Variants in FAAH2 observed in about 807,000 individuals in gnomAD.
FAAH2 encodes fatty-acid amide hydrolase 2.
Under a neutral mutation model 36.9 loss-of-function variants are expected in FAAH2, and 60 were observed. That is an observed-to-expected ratio of 1.63 (90% CI 1.32 to 2.02). FAAH2 has a LOEUF of 2.02. Ranked by LOEUF, FAAH2 falls within the 30% of genes most tolerant of loss-of-function variation. The pLI is 0.00. For synonymous variants in FAAH2, 214 were observed against 143.8 expected (o/e 1.49, Z -3.49); for missense variants, 689 against 397.5 (o/e 1.73, Z -6.23).
chrX:57,464,661 C>T (rs1423222165), intron 10 of FAAH2, among the ~76,000 whole-genome samples: 5 of 110,005 alleles, frequency 4.5e-5, no homozygotes, highest in African/African-American at 1.6e-4. Context: ...CAACAAAGGC[C>T]TACTATCCAG....
At chrX:57,401,508 T>A (rs1569319782) in intron 7 of FAAH2, among the ~76,000 whole-genome samples, 1 of 111,760 alleles carries the variant, frequency 8.9e-6, no homozygotes, top group African/African-American at 3.3e-5. Flanking sequence ...GACAACGGCC[T>A]CATTGATAAT....
At chrX:57,153,260 A>T in the FAAH2 span, among the ~76,000 whole-genome samples, 3 of 111,516 alleles carry the variant, frequency 2.7e-5, no homozygotes, top group Admixed American at 9.5e-5. Context: ...GTGAGTCCTT[A>T]TGTGTTAGGT....
chrX:57,327,366 C>T (rs915341062), intron 3 of FAAH2, among the ~76,000 whole-genome samples: 1 of 110,004 alleles, frequency 9.1e-6, no homozygotes, highest in African/African-American at 3.3e-5. Flanking sequence ...CTCTGTATTT[C>T]CTGGATCTGA....
the FAAH2 span, among the ~76,000 whole-genome samples, chrX:57,216,550 GTATA>G: frequency 1.3e-4 from 2 of 15,120 alleles, no homozygotes; most frequent in Admixed American, 7.8e-4. Flanking sequence ...ATACGTATAT[GTATA>G]TATATATATA....
chrX:57,272,755 G>A, the FAAH2 span, among the ~76,000 whole-genome samples: 1 of 112,176 alleles, frequency 8.9e-6, no homozygotes. Flanking sequence ...CCTGAAGTGA[G>A]CACTAAACAT....
the FAAH2 span, among the ~76,000 whole-genome samples, chrX:57,233,484 GA>G: frequency 2.8e-3 from 304 of 107,609 alleles, 1 homozygote; most frequent in African/African-American, 8.1e-3. Context: ...AGGCTTAATA[GA>G]AAAAAAAAAT....
chrX:57,425,274 CACA>C (rs1370210592), intron 7 of FAAH2, among the ~76,000 whole-genome samples: 4 of 111,680 alleles, frequency 3.6e-5, no homozygotes, highest in Admixed American at 1.9e-4. Flanking sequence ...GAATAAAAAA[CACA>C]ACAAGATTGC....
chrX:57,383,561 C>T (rs532648554), intron 7 of FAAH2, among the ~76,000 whole-genome samples: 2 of 111,777 alleles, frequency 1.8e-5, no homozygotes, highest in African/African-American at 6.5e-5. Context: ...CATGAGTGAA[C>T]TCCCATTCAC....
At chrX:57,240,723 C>T in the FAAH2 span, among the ~76,000 whole-genome samples, 1 of 112,039 alleles carries the variant, frequency 8.9e-6, no homozygotes, top group Non-Finnish European at 1.9e-5. Context: ...GCAGAAGCTG[C>T]GGGTGGTGCT....
intron 10 of FAAH2, among the ~76,000 whole-genome samples, chrX:57,482,501 CA>C (rs1206247063): frequency 1.8e-5 from 2 of 110,439 alleles, no homozygotes; most frequent in African/African-American, 3.3e-5. Context: ...GGAGGTCCCC[CA>C]ACTTCCTGTA....
chrX:57,122,727 T>C, the FAAH2 span, among the ~76,000 whole-genome samples: 1 of 112,198 alleles, frequency 8.9e-6, no homozygotes, highest in South Asian at 3.7e-4. Flanking sequence ...ATCTTTCTTA[T>C]TCAGATACTT....
chrX:57,289,579 G>C (rs758661761), intron 1 of FAAH2, among the ~76,000 whole-genome samples: 9 of 110,918 alleles, frequency 8.1e-5, no homozygotes, highest in Non-Finnish European at 1.7e-4. Context: ...AGGCTTCATT[G>C]CATGATCTTT....
upstream of FAAH2, among the ~76,000 whole-genome samples, chrX:57,285,095 T>C (rs1404110535): frequency 8.9e-6 from 1 of 112,557 alleles, no homozygotes; most frequent in Non-Finnish European, 1.9e-5. Context: ...AGAACTGTAA[T>C]GGAGCCTAGA....
At chrX:57,442,921 A>C (rs189522598) in intron 8 of FAAH2, among the ~76,000 whole-genome samples, 1,374 of 111,167 alleles carry the variant, frequency 0.012, 11 homozygotes, top group African/African-American at 0.043. Context: ...TTTCTTTAAG[A>C]ATGTTGAATA....
intron 5 of FAAH2, among the ~76,000 whole-genome samples, chrX:57,343,052 T>A (rs772623639): frequency 8.9e-6 from 1 of 112,125 alleles, no homozygotes; most frequent in African/African-American, 3.2e-5. Context: ...TGATTCCATG[T>A]CTCTGCTATT....
the FAAH2 span, among the ~76,000 whole-genome samples, chrX:57,225,903 G>A: frequency 8.9e-6 from 1 of 111,970 alleles, no homozygotes; most frequent in South Asian, 3.7e-4. Flanking sequence ...CCCTCTTTGT[G>A]TCTTTTAACC....
At chrX:57,160,486 T>G in the FAAH2 span, among the ~76,000 whole-genome samples, 2 of 111,682 alleles carry the variant, frequency 1.8e-5, no homozygotes, top group African/African-American at 6.5e-5. Context: ...TTTTTTGGTT[T>G]GTAAGCTATT....
At position 57,393,056 on chromosome X, in the gene FAAH2, G is replaced by A. The variant is rs2055204314; in HGVS notation, c.996+12027G>A. ...CTGCTCTCTGGACAGCCTGAGCCAGGGCTAAGGTACCCTTGCCCCCTTCTG... is the reference window on the plus strand; with the variant it reads ...CTGCTCTCTGGACAGCCTGAGCCAGAGCTAAGGTACCCTTGCCCCCTTCTG... On this transcript the variant is annotated intron_variant, in intron 7 of 10. Transcript: ENST00000374900. 6 of 911,560 alleles carry A rather than the reference G, an allele frequency of 6.6e-6. No homozygotes were observed. The Middle Eastern group carries it at 8.0e-4, about 121-fold the overall frequency. The allele number at this position is 911,560 out of a possible 1,213,427, so 75.1% of individuals were successfully genotyped here.
intron 5 of FAAH2, among the ~76,000 whole-genome samples, chrX:57,349,436 T>C (rs1022591896): frequency 4.1e-4 from 41 of 99,334 alleles, no homozygotes; most frequent in Non-Finnish European, 7.2e-4. Context: ...TATATATACA[T>C]ATATACACAT....
Sources: gnomAD v4.1 joint callset for allele counts (sites outside exome capture counted in the v4.1 genomes callset) on GRCh38, gnomAD v4.1.1 for gene constraint, MANE v1.5 for transcripts, NCBI Gene and HGNC (gene_info 2026-07-23, HGNC 2026-07-21) for gene names.